ASB2: variants seen among roughly 807,000 people sequenced by gnomAD.
ASB2 encodes the protein ankyrin repeat and SOCS box containing 2, also known as ankyrin repeat and SOCS box protein 2.
A neutral mutation model predicts 62.4 loss-of-function variants in ASB2; 58 were observed. The observed-to-expected ratio is 0.93, with a 90% CI of 0.75 to 1.16. The LOEUF is 1.16. Among genes scored for constraint, ASB2 ranks in the 50% most tolerant of loss-of-function variants. The pLI, the probability that ASB2 is intolerant of heterozygous loss-of-function variation, is 0.00. For synonymous variants in ASB2, 386 were observed against 385.3 expected (o/e 1.00, Z -0.02); for missense variants, 928 against 887.9 (o/e 1.05, Z -0.57).
intron 1 of ASB2, among the ~76,000 whole-genome samples, chr14:93,974,886 G>A (rs1314310821): frequency 6.6e-6 from 1 of 152,240 alleles, no homozygotes; most frequent in Non-Finnish European, 1.5e-5. Flanking sequence ...TGAGGTCACC[G>A]TGCGTGGGTT....
Position 93,939,483 on chromosome 14 carries a change from C to T in ASB2, c.1242G>A (p.Ala414=). The change falls in exon 8 of 10, where the codon GCG becomes GCA. Residue 414 remains alanine, a synonymous_variant. Transcript: ENST00000555019. ...TGTTGTTGACCACCGCGAAGTACAG[C>T]GCGGAGCTGCGCCGGTCTTCGTAGA... is the stretch of plus-strand genomic sequence containing the variant. ...ARLYEDRRSS[A]LYFAVVNNNV... 2.5e-6 allele frequency: 4 copies of T among 1,611,306 alleles called. No individual in the cohort carries two copies. Among genetic ancestry groups the T allele is most frequent in the Non-Finnish European group, 3.4e-6 (4 of 1,179,138 alleles).
intron 1 of ASB2, among the ~76,000 whole-genome samples, chr14:93,971,898 CTA>C (rs1889765048): frequency 6.6e-6 from 1 of 151,548 alleles, no homozygotes. Flanking sequence ...AAACTGAAGA[CTA>C]TGTGTGTGTG....
chr14:93,950,875 ACT>A, intron 6 of ASB2, 122 bp downstream of exon 6: 1 of 1,107,004 alleles, frequency 9.0e-7, no homozygotes, highest in East Asian at 2.4e-5. Flanking sequence ...CTAGGAGGAA[ACT>A]CTCACTCCAT....
intron 8 of ASB2, 32 bp from the exon 9 acceptor site, chr14:93,937,883 A>G (rs1888332574): frequency 6.4e-7 from 1 of 1,570,576 alleles, no homozygotes; most frequent in Non-Finnish European, 8.7e-7. Context: ...CCAAGAAGTG[A>G]GTTCATCCCA....
intron 8 of ASB2, among the ~76,000 whole-genome samples, chr14:93,938,340 C>T (rs1267812023): frequency 2.7e-5 from 4 of 146,900 alleles, no homozygotes; most frequent in East Asian, 2.2e-4. Flanking sequence ...CCTGGGTGCA[C>T]GTCATTCTCC....
At chr14:93,945,778 C>G (rs1888701893) in intron 7 of ASB2, among the ~76,000 whole-genome samples, 1 of 152,140 alleles carries the variant, frequency 6.6e-6, no homozygotes, top group African/African-American at 2.4e-5. Context: ...AGGGGCGGCT[C>G]TGAAGCCTTG....
intron 1 of ASB2, among the ~76,000 whole-genome samples, chr14:93,966,309 A>G (rs1016710867): frequency 6.6e-6 from 1 of 152,246 alleles, no homozygotes; most frequent in Non-Finnish European, 1.5e-5. Flanking sequence ...CAGGTGGGAC[A>G]ATCTCACCGC....
intron 4 of ASB2, 74 bp from the exon 5 acceptor site, chr14:93,953,581 G>A: frequency 7.8e-7 from 1 of 1,285,400 alleles, no homozygotes; most frequent in Non-Finnish European, 1.1e-6. Context: ...TTTCCCGATT[G>A]CCTCCCAATT....
intron 2 of ASB2, among the ~76,000 whole-genome samples, chr14:93,959,821 G>T (rs748684662): frequency 1.3e-5 from 2 of 152,134 alleles, no homozygotes; most frequent in Non-Finnish European, 1.5e-5. Context: ...TTAGTAAGAA[G>T]CCCAGGTCAG....
At chr14:93,961,044 TC>T (rs1889392723) in intron 2 of ASB2, among the ~76,000 whole-genome samples, 1 of 152,112 alleles carries the variant, frequency 6.6e-6, no homozygotes, top group Admixed American at 6.5e-5. Context: ...GGGAACACTC[TC>T]AGGAGGGTGT....
In ASB2 at chr14:93,955,270, CT is replaced by C. The variant is rs1238182410; in HGVS notation, c.312-788del. 6.5e-5 allele frequency: 27 copies of C among 416,640 alleles called. 1 individual carries two copies. In the Admixed American group the frequency reaches 7.2e-4, roughly 11 times the overall value. The allele number at this position is 416,640 out of a possible 1,614,324, so 25.8% of individuals were successfully genotyped here. A position where few individuals can be genotyped will look rare whatever the true frequency, so the allele number is the denominator to read the frequency against. On this transcript the variant is annotated intron_variant, in intron 3 of 9. Coordinates refer to ENST00000555019, the MANE Select transcript of ASB2 (RefSeq NM_001202429.2). ...ACGCCATGTTGGGCTAGGATGGGCT[CT>C]GGGCGGTCTCTGCCACCAGCCCCTG... is the stretch of plus-strand genomic sequence containing the variant.
intron 2 of ASB2, among the ~76,000 whole-genome samples, chr14:93,962,437 C>T (rs908850779): frequency 6.6e-6 from 1 of 152,164 alleles, no homozygotes; most frequent in Non-Finnish European, 1.5e-5. Flanking sequence ...GGCGCAGAAC[C>T]GAACCTAGGA....
intron 2 of ASB2, among the ~76,000 whole-genome samples, chr14:93,961,764 A>T (rs1889413553): frequency 6.6e-6 from 1 of 152,194 alleles, no homozygotes; most frequent in Admixed American, 6.5e-5. Flanking sequence ...TCTGGGTGTG[A>T]GGGCACAAGT....
intron 7 of ASB2, among the ~76,000 whole-genome samples, chr14:93,943,625 CAG>C (rs906853573): frequency 1.6e-4 from 24 of 152,184 alleles, no homozygotes; most frequent in African/African-American, 5.8e-4. Context: ...GCTTGGGTGA[CAG>C]AGAGTCGGTC....
rs1369685113 is a variant in ASB2 at position 93,956,623 on chromosome 14, C to A, written c.311+143G>T. 2.7e-5 allele frequency: 31 copies of A among 1,129,948 alleles called. No homozygotes were observed. In the South Asian group the frequency reaches 3.9e-4, roughly 14 times the overall value. The allele number at this position is 1,129,948 out of a possible 1,614,324, so 70.0% of individuals were successfully genotyped here. On this transcript the variant is annotated intron_variant, in intron 3 of 9. Coordinates refer to ENST00000555019, the MANE Select transcript of ASB2 (RefSeq NM_001202429.2). ...GGAGCAGTGGGGCCCCAGGGGGGCA[C>A]CCCTAGAAGGAGCGTGCCTGGCAGG... is the stretch of plus-strand genomic sequence containing the variant.
intron 1 of ASB2, among the ~76,000 whole-genome samples, chr14:93,972,291 C>T (rs1286174517): frequency 1.3e-5 from 2 of 151,976 alleles, no homozygotes; most frequent in East Asian, 3.9e-4. Context: ...ATCTGCCTTT[C>T]CCCCCAGGAT....
rs1567028661 is a variant in ASB2, at chr14:93,957,336, C to CA, written c.207-467dup. On this transcript the variant is annotated intron_variant, in intron 2 of 9. Transcript: ENST00000555019. ...GGATAGGGGAGCAAAGCTGAGAAGC[C>CA]AAGCTGTACCTGTGCCCCCCACGCC... The CA allele has an allele frequency of 5.8e-4, 599 of 1,040,298 alleles. 6 individuals are homozygous for CA. The African/African-American group carries it at 9.6e-3, about 17-fold the overall frequency. The allele number at this position is 1,040,298 out of a possible 1,614,324, so 64.4% of individuals were successfully genotyped here.
rs764571113 is a variant in ASB2, at chr14:93,947,479, G to C, written c.922C>G (p.Leu308Val). ...NTQASDNASALYEACKNEHEE... is the reference protein window; with the variant it reads ...NTQASDNASAVYEACKNEHEE... ...TGCTCATTCTTGCAGGCCTCGTAGA[G>C]GGCAGACGCGTTGTCGCTGGCCTGC... Residue 308 changes from leucine (L) to valine (V), a missense_variant, in exon 7 of 10, where the codon CTC (leucine) becomes GTC (valine). Physicochemically the swap from Leu to Val is conservative, Grantham distance 32. Transcript: ENST00000555019. 13 of 1,614,090 alleles carry C rather than the reference G, an allele frequency of 8.1e-6. 1 individual carries two copies. In the South Asian group the frequency reaches 1.4e-4, roughly 18 times the overall value.
intron 7 of ASB2, chr14:93,944,153 G>T: frequency 5.4e-6 from 2 of 368,644 alleles, no homozygotes; most frequent in Non-Finnish European, 1.1e-5. Context: ...CGTCAGGTGG[G>T]GCCCAGGCAT....
Sources: allele counts gnomAD v4.1 joint callset (sites outside exome capture counted in the v4.1 genomes callset), GRCh38; gene constraint gnomAD v4.1.1; transcripts MANE v1.5; gene names NCBI Gene and HGNC (gene_info 2026-07-23, HGNC 2026-07-21).